COLEC10: variants seen among roughly 807,000 people sequenced by gnomAD.
COLEC10 encodes collectin subfamily member 10.
COLEC10 carries 22 observed loss-of-function variants against 28.4 expected under a neutral mutation model. That is an observed-to-expected ratio of 0.78 (90% confidence interval 0.55 to 1.11). The LOEUF (loss-of-function observed/expected upper bound fraction) is 1.11. COLEC10 is among the 50% of genes least tolerant of loss of function. The probability of loss-of-function intolerance (pLI) is 0.00; values close to 1 mark genes in which losing one functional copy is unlikely to be tolerated. For synonymous variants in COLEC10, 125 were observed against 116.1 expected, an observed-to-expected ratio of 1.08 and a Z score of -0.49; for missense variants, 361 against 344.1, an observed-to-expected ratio of 1.05 and a Z score of -0.39.
At chr8:119,015,532 T>C (rs1190375635) in intron 2 of COLEC10, among the ~76,000 whole-genome samples, 1 of 144,520 alleles carries the variant, frequency 6.9e-6, no homozygotes, top group Non-Finnish European at 1.5e-5. Context: ...GGGATTTTCT[T>C]CCATATACAC....
intron 2 of COLEC10, among the ~76,000 whole-genome samples, chr8:119,017,807 T>C (rs1262365396): frequency 6.6e-6 from 1 of 152,146 alleles, no homozygotes; most frequent in African/African-American, 2.4e-5. Context: ...TCCTGGCCCA[T>C]AGTAGGACTC....
chr8:119,029,724 A>T (rs1356440819), intron 2 of COLEC10, among the ~76,000 whole-genome samples: 1 of 88,822 alleles, frequency 1.1e-5, no homozygotes, highest in Non-Finnish European at 2.1e-5. Flanking sequence ...TTTTAATCTC[A>T]TTGAAAACAC....
Position 119,059,471 on chromosome 8 carries a change from T to C in COLEC10, n.236-30209T>C, listed in dbSNP as rs574746427. 2.0e-4 allele frequency among the ~76,000 whole-genome samples: 31 copies of C among 152,188 alleles called. No individual in the cohort carries two copies. In the South Asian group the frequency reaches 3.9e-3, roughly 19 times the overall value. ...CATTTGTTGAAAAGACCCCCGAACA[T>C]TTAGTTGTCTTGGTACCTCTGTTAA... On this transcript the variant is annotated intron_variant and non_coding_transcript_variant, in intron 2 of 6. Transcript: ENST00000521788.
At chr8:118,952,267 G>A in the COLEC10 span, 2 of 191,440 alleles carry the variant, frequency 1.0e-5, no homozygotes, top group African/African-American at 2.4e-5. Flanking sequence ...CTGGGCACAC[G>A]CTGGGCAGCT....
At position 119,105,973 on chromosome 8, in the gene COLEC10, C is replaced by T. The variant is rs773596648; in HGVS notation, c.616C>T (p.Arg206Trp). The change falls in exon 6 of 6, where the codon CGG becomes TGG. Residue 206 changes from arginine to tryptophan, a missense_variant. Arg to Trp is a moderately radical substitution (Grantham distance 101, BLOSUM62 -3). Transcript: ENST00000332843. The part of the protein sequence containing the change: ...ADYVAKSGFF[R>W]VFIGVNDLER... ...CTATGTTGCCAAGAGTGGCTTCTTT[C>T]GGGTGTTCATTGGCGTGAATGACCT... 2.8e-5 allele frequency: 45 copies of T among 1,613,636 alleles called. 1 individual carries two copies. Among genetic ancestry groups the T allele is most frequent in the South Asian group, 3.3e-5 (3 of 91,074 alleles).
intron 2 of COLEC10, among the ~76,000 whole-genome samples, chr8:119,023,150 A>G (rs1814128212): frequency 6.6e-6 from 1 of 152,168 alleles, no homozygotes; most frequent in South Asian, 2.1e-4. Context: ...ATTGTCCGTC[A>G]CTGCCTGCTT....
intron 2 of COLEC10, among the ~76,000 whole-genome samples, chr8:119,050,154 T>C (rs1442199085): frequency 6.6e-6 from 1 of 152,220 alleles, no homozygotes; most frequent in African/African-American, 2.4e-5. Flanking sequence ...TCCCTAGTAC[T>C]TCATAAGTTT....
At chr8:119,038,335 G>A (rs1814428777) in intron 2 of COLEC10, among the ~76,000 whole-genome samples, 1 of 152,144 alleles carries the variant, frequency 6.6e-6, no homozygotes, top group East Asian at 1.9e-4. Context: ...CCTTGCTTTA[G>A]CCCATTCCCT....
intron 2 of COLEC10, among the ~76,000 whole-genome samples, chr8:119,026,667 T>C (rs1264568560): frequency 3.3e-5 from 5 of 152,082 alleles, no homozygotes; most frequent in African/African-American, 1.2e-4. Context: ...GTTTGTAGGA[T>C]GTTTACTAAA....
chr8:119,050,939 C>T (rs569333511), intron 2 of COLEC10, among the ~76,000 whole-genome samples: 2 of 152,222 alleles, frequency 1.3e-5, no homozygotes, highest in East Asian at 1.9e-4. Context: ...TTACCACCAA[C>T]GAGAAGGCTA....
Position 119,049,401 on chromosome 8 carries a change from CTTTTTTTT to C in COLEC10, n.235+39872_235+39879del, listed in dbSNP as rs34885340. ...TGATGAAGCATAGGTATTTTCTTTTCTTTTTTTTTTTTTTTTTTTTTTTTTTTTTTTGA... is the reference window on the plus strand; with the variant it reads ...TGATGAAGCATAGGTATTTTCTTTTCTTTTTTTTTTTTTTTTTTTTTTTGA... On this transcript the variant is annotated intron_variant and non_coding_transcript_variant, in intron 2 of 6. Coordinates refer to the COLEC10 transcript ENST00000521788. Among the ~76,000 whole-genome samples, 7 of 60,072 alleles carry C rather than the reference CTTTTTTTT, an allele frequency of 1.2e-4. No homozygotes were observed. In the East Asian group the frequency reaches 2.0e-3, roughly 17 times the overall value. The allele number at this position is 60,072 out of a possible 152,430, so 39.4% of individuals were successfully genotyped here. A position where few individuals can be genotyped will look rare whatever the true frequency, so the allele number is the denominator to read the frequency against.
chr8:119,106,336 C>G lies in COLEC10; in HGVS notation c.*145C>G. The G allele has an allele frequency of 1.3e-6, 1 of 760,244 alleles. No homozygotes were observed. 47.1% of individuals were successfully genotyped at this position (760,244 alleles called of 1,614,324 possible). A position where few individuals can be genotyped will look rare whatever the true frequency, so the allele number is the denominator to read the frequency against. Reference sequence around the variant, plus strand: ...AACTGAGGTATGGAGCCTCCATCATCATGCTCTTTTGTGATGATTTTCATA... The same window carrying G: ...AACTGAGGTATGGAGCCTCCATCATGATGCTCTTTTGTGATGATTTTCATA... On this transcript the variant is annotated 3_prime_UTR_variant, in exon 6 of 6. Transcript: ENST00000332843.
At chr8:119,056,432 A>G (rs763251967) in intron 2 of COLEC10, among the ~76,000 whole-genome samples, 18 of 152,072 alleles carry the variant, frequency 1.2e-4, no homozygotes, top group Non-Finnish European at 1.0e-4. Context: ...TTGTTTCATC[A>G]GCTCTTGATC....
intron 2 of COLEC10, among the ~76,000 whole-genome samples, chr8:119,018,891 A>G (rs1814040429): frequency 6.6e-6 from 1 of 152,170 alleles, no homozygotes; most frequent in South Asian, 2.1e-4. Flanking sequence ...GTACCCAGGG[A>G]AATCTTCCAT....
At position 119,106,155 on chromosome 8, in the gene COLEC10, G is replaced by A; in HGVS notation, c.798G>A (p.Met266Ile). The part of the protein sequence containing the change: ...RWNDTECHLT[M>I]YFVCEFIKKK... ...ATGACACAGAGTGCCATCTTACCAT[G>A]TACTTTGTCTGTGAGTTCATCAAGA... The change falls in exon 6 of 6, where the codon ATG becomes ATA. Residue 266 changes from methionine to isoleucine, a missense_variant. By Grantham distance (10) the Met-to-Ile change is conservative (BLOSUM62 1). Transcript: ENST00000332843. 6.2e-7 allele frequency: 1 copy of A among 1,606,598 alleles called. No individual in the cohort carries two copies. Among genetic ancestry groups the A allele is most frequent in the Non-Finnish European group, 8.5e-7 (1 of 1,173,928 alleles).
At chr8:119,074,407 C>G (rs1280584296) in intron 1 of COLEC10, among the ~76,000 whole-genome samples, 1 of 152,002 alleles carries the variant, frequency 6.6e-6, no homozygotes, top group Non-Finnish European at 1.5e-5. Flanking sequence ...AATGTATACA[C>G]CTACTATGCA....
At chr8:118,976,685 A>T in the COLEC10 span, 1 of 152,254 alleles carries the variant, frequency 6.6e-6, no homozygotes, top group Admixed American at 6.6e-5. Flanking sequence ...GGACATAGGC[A>T]TGGGCAAGGA....
chr8:119,076,664 T>C (rs752413306), intron 1 of COLEC10, among the ~76,000 whole-genome samples: 28 of 152,360 alleles, frequency 1.8e-4, no homozygotes, highest in Middle Eastern at 3.4e-3. Context: ...GATAAGTGTA[T>C]GTGCAAGACA....
At chr8:119,067,045 G>C (rs1814977908), upstream of COLEC10, among the ~76,000 whole-genome samples, 1 of 152,116 alleles carries the variant, frequency 6.6e-6, no homozygotes, top group South Asian at 2.1e-4. Context: ...CTGGAGTTCA[G>C]AGATAATTTT....
Sources: gnomAD v4.1 joint callset for allele counts (sites outside exome capture counted in the v4.1 genomes callset) on GRCh38, gnomAD v4.1.1 for gene constraint, MANE v1.5 for transcripts, NCBI Gene and HGNC (gene_info 2026-07-23, HGNC 2026-07-21) for gene names.